SLC5A7: variants seen among roughly 807,000 people sequenced by gnomAD.
SLC5A7 encodes the protein solute carrier family 5 member 7.
Under a neutral mutation model 55.4 loss-of-function variants are expected in SLC5A7, and 19 were observed. The observed-to-expected ratio is 0.34, with a 90% confidence interval of 0.24 to 0.50. SLC5A7 has a LOEUF of 0.50. Among genes scored for constraint, SLC5A7 ranks in the 20% least tolerant of loss-of-function variants. The pLI is 0.98. For synonymous variants in SLC5A7, 265 were observed against 263.7 expected (o/e 1.00, Z -0.05); for missense variants, 506 against 705.3 (o/e 0.72, Z 3.20).
chr2:107,988,001 T>A, intron 1 of SLC5A7, 104 bp from the exon 2 acceptor site: 1 of 617,152 alleles, frequency 1.6e-6, no homozygotes, highest in East Asian at 2.8e-5. Context: ...GTACTCTTTC[T>A]GTGAGTGGCA....
chr2:108,008,952 T>C (rs1419530885), intron 8 of SLC5A7, among the ~76,000 whole-genome samples: 1 of 151,908 alleles, frequency 6.6e-6, no homozygotes, highest in African/African-American at 2.4e-5. Flanking sequence ...TTAACCTTTT[T>C]GTCTTTCTGA....
intron 6 of SLC5A7, among the ~76,000 whole-genome samples, chr2:108,002,902 G>A (rs1157645030): frequency 6.6e-6 from 1 of 152,108 alleles, no homozygotes; most frequent in Non-Finnish European, 1.5e-5. Flanking sequence ...TTTCTATTAA[G>A]CTTAAAGGGA....
intron 4 of SLC5A7, 108 bp from the exon 5 acceptor site, chr2:107,997,730 A>G: frequency 8.6e-7 from 1 of 1,159,304 alleles, no homozygotes; most frequent in Non-Finnish European, 1.1e-6. Flanking sequence ...TGCATTTCAT[A>G]TGACAGAGAG....
At position 108,013,847 on chromosome 2, in the gene SLC5A7, C is replaced by T. The variant is rs1297492338; in HGVS notation, c.*2986C>T. 6.6e-6 allele frequency: 1 copy of T among 152,092 alleles called. No homozygotes were observed. The highest frequency in any genetic ancestry group is 2.4e-5 in the African/African-American group (1 of 41,428). The allele number at this position is 152,092 out of a possible 1,614,324, so 9.4% of individuals were successfully genotyped here. On this transcript the variant is annotated 3_prime_UTR_variant, in exon 9 of 9. Coordinates refer to ENST00000264047, the MANE Select transcript of SLC5A7 (RefSeq NM_021815.5). ...AACAACAAGTTGTTTCAAACAGCAT[C>T]AAAATACAACTTCATTGCTACACTT... is the stretch of plus-strand genomic sequence containing the variant.
chr2:107,986,974 A>AGGGCCGC (rs1677268430), intron 1 of SLC5A7, among the ~76,000 whole-genome samples: 2 of 151,926 alleles, frequency 1.3e-5, no homozygotes, highest in Non-Finnish European at 2.9e-5. Context: ...GGGCCGAGGA[A>AGGGCCGC]AGGCCGCAGG....
intron 6 of SLC5A7, among the ~76,000 whole-genome samples, chr2:108,005,793 A>G (rs139302020): frequency 2.6e-4 from 40 of 152,284 alleles, no homozygotes; most frequent in East Asian, 5.8e-4. Context: ...TCATGGGCTA[A>G]TCATCTCCCA....
At chr2:107,993,474 A>G (rs887401102) in intron 4 of SLC5A7, among the ~76,000 whole-genome samples, 1 of 152,252 alleles carries the variant, frequency 6.6e-6, no homozygotes, top group Non-Finnish European at 1.5e-5. Flanking sequence ...ATAAATGTTT[A>G]AAACAAGGAT....
At position 108,010,720 on chromosome 2, in the gene SLC5A7, T is replaced by C. The variant is rs772245675; in HGVS notation, c.1602T>C (p.Asn534=). The change falls in exon 9 of 9, where the codon AAT becomes AAC. Residue 534 remains asparagine, a synonymous_variant. Transcript: ENST00000264047. ...ENMDKTILVK[N]ENIKLDELAL... is the part of the protein sequence containing the mutation. The stretch of plus-strand genomic sequence containing the variant: ...TGGATAAGACAATTCTTGTCAAAAA[T>C]GAAAATATTAAATTAGATGAACTTG... 5 of 1,613,624 alleles carry C rather than the reference T, an allele frequency of 3.1e-6. No individual in the cohort carries two copies. Among genetic ancestry groups the C allele is most frequent in the Non-Finnish European group, 4.2e-6 (5 of 1,179,878 alleles).
At position 108,010,332 on chromosome 2, in the gene SLC5A7, T is replaced by C; in HGVS notation, c.1214T>C (p.Leu405Pro). 3.1e-6 allele frequency: 5 copies of C among 1,613,970 alleles called. No homozygotes were observed. The highest frequency in any genetic ancestry group is 4.2e-6 in the Non-Finnish European group (5 of 1,179,922). Residue 405 changes from leucine to proline, a missense_variant, in exon 9 of 9, where the codon CTC (leucine) becomes CCC (proline). Leu to Pro is a moderately conservative substitution (Grantham distance 98). Coordinates refer to ENST00000264047, the MANE Select transcript of SLC5A7 (RefSeq NM_021815.5). ...TTGCTGACGAAAACTGTGTATGGGC[T>C]CTGGTACCTCAGTTCTGACCTTGTT... is the stretch of plus-strand genomic sequence containing the variant. ...MALLTKTVYG[L>P]WYLSSDLVYI...
At position 108,001,993 on chromosome 2, in the gene SLC5A7, G is replaced by T; in HGVS notation, c.694G>T (p.Val232Phe). ...ATACCAAAAGCCGTGGCTGGGAACT[G>T]TTGACTCATCTGAAGTCTACTCTTG... ...AKYQKPWLGT[V>F]DSSEVYSWLD... Residue 232 changes from valine (V) to phenylalanine (F), a missense_variant, in exon 6 of 9, where the codon GTT becomes TTT. Around this residue, in one of 4 missense-constraint regions of SLC5A7, gnomAD observed 309 missense variants for 478.6 expected, o/e 0.65. Transcript: ENST00000264047. 6.2e-7 allele frequency: 1 copy of T among 1,614,216 alleles called. No individual in the cohort carries two copies. The highest frequency in any genetic ancestry group is 8.5e-7 in the Non-Finnish European group (1 of 1,180,030).
At position 107,994,158 on chromosome 2, in the gene SLC5A7, G is replaced by C. The variant is rs550771381; in HGVS notation, c.448+1031G>C. ...TGGGAGATGGAAGCTCCCCATAAAG[G>C]TGTGCACTGCCCCGCCTTCAGCACA... On this transcript the variant is annotated intron_variant, in intron 4 of 8. Coordinates refer to ENST00000264047, the MANE Select transcript of SLC5A7 (RefSeq NM_021815.5). Among the ~76,000 whole-genome samples, 3 of 152,292 alleles carry C rather than the reference G, an allele frequency of 2.0e-5. No homozygotes were observed. In the South Asian group the frequency reaches 6.2e-4, roughly 32 times the overall value.
At position 108,010,527 on chromosome 2, in the gene SLC5A7, A is replaced by G. The variant is rs1678281220; in HGVS notation, c.1409A>G (p.Asn470Ser). The G allele has an allele frequency of 6.2e-7, 1 of 1,613,802 alleles. No homozygotes were observed. Among genetic ancestry groups the G allele is most frequent in the Non-Finnish European group, 8.5e-7 (1 of 1,179,814 alleles). ...IFYPGYYPDD[N>S]GIYNQKFPFK... Reference sequence around the variant, plus strand: ...TACCCTGGCTATTACCCTGATGATAATGGTATATATAATCAGAAATTTCCA... The same window carrying G: ...TACCCTGGCTATTACCCTGATGATAGTGGTATATATAATCAGAAATTTCCA... Residue 470 changes from asparagine to serine, a missense_variant, in exon 9 of 9, where the codon AAT becomes AGT. Asn to Ser is a conservative substitution (Grantham distance 46). Transcript: ENST00000264047.
At chr2:107,987,593 C>T (rs999844634) in intron 1 of SLC5A7, among the ~76,000 whole-genome samples, 1 of 152,050 alleles carries the variant, frequency 6.6e-6, no homozygotes, top group Admixed American at 6.6e-5. Flanking sequence ...TATCAGATTA[C>T]TACTGAAGCC....
chr2:107,993,161 T>C, intron 4 of SLC5A7, 34 bp downstream of exon 4: 1 of 1,611,382 alleles, frequency 6.2e-7, no homozygotes, highest in Non-Finnish European at 8.5e-7. Context: ...GCTGCATCTT[T>C]GTAGTTAACT....
chr2:108,010,592 A>G lies in SLC5A7; in HGVS notation c.1474A>G (p.Ile492Val). ...CATGGTTACATCATTCTTAACCAAC[A>G]TTTGCATCTCCTATCTAGCCAAGTA... is the stretch of plus-strand genomic sequence containing the variant. ...LAMVTSFLTNICISYLAKYLF... is the reference protein window; with the variant it reads ...LAMVTSFLTNVCISYLAKYLF... Residue 492 changes from isoleucine to valine, a missense_variant, in exon 9 of 9, where the codon ATT becomes GTT. Ile to Val is a conservative substitution (Grantham distance 29). Coordinates refer to ENST00000264047, the MANE Select transcript of SLC5A7 (RefSeq NM_021815.5). 6.2e-7 allele frequency: 1 copy of G among 1,613,998 alleles called. No individual in the cohort carries two copies. The highest frequency in any genetic ancestry group is 8.5e-7 in the Non-Finnish European group (1 of 1,179,946).
chr2:108,002,101 C>A, intron 6 of SLC5A7, 61 bp downstream of exon 6: 3 of 1,563,240 alleles, frequency 1.9e-6, no homozygotes, highest in Middle Eastern at 3.8e-4. Flanking sequence ...AATTTGTTTT[C>A]ACGATTTTCA....
chr2:107,987,995 T>A (rs1395948527), intron 1 of SLC5A7, 110 bp from the exon 2 acceptor site: 14 of 580,116 alleles, frequency 2.4e-5, no homozygotes, highest in Non-Finnish European at 2.9e-6. Flanking sequence ...AGGGTTGTAC[T>A]CTTTCTGTGA....
At chr2:107,990,807 C>G (rs185832184) in intron 2 of SLC5A7, among the ~76,000 whole-genome samples, 2 of 152,216 alleles carry the variant, frequency 1.3e-5, no homozygotes. Flanking sequence ...GAAACACATC[C>G]TAGGTAGTTT....
chr2:108,001,073 T>G (rs1027527567), intron 5 of SLC5A7, among the ~76,000 whole-genome samples: 1 of 151,654 alleles, frequency 6.6e-6, no homozygotes, highest in African/African-American at 2.4e-5. Context: ...GAAATACAAT[T>G]CTTTATTAGA....
Sources: allele counts gnomAD v4.1 joint callset (sites outside exome capture counted in the v4.1 genomes callset), GRCh38; gene constraint gnomAD v4.1.1; regional missense constraint gnomAD v4.1.1; transcripts MANE v1.5; gene names NCBI Gene and HGNC (gene_info 2026-07-23, HGNC 2026-07-21).